CSMD1: variants seen among roughly 807,000 people sequenced by gnomAD.
CSMD1 encodes the protein CUB and sushi domain-containing protein 1.
Under a neutral mutation model 417.5 loss-of-function variants are expected in CSMD1, and 213 were observed. The observed-to-expected ratio is 0.51, with a 90% CI of 0.46 to 0.57. The LOEUF is 0.57. Ranked by LOEUF, CSMD1 falls within the 20% of genes least tolerant of loss-of-function variation. CSMD1 has a pLI of 0.00. For synonymous variants in CSMD1, 2,862 were observed against 1,736.8 expected (o/e 1.65, Z -16.11); for missense variants, 6,923 against 4,529.7 (o/e 1.53, Z -15.17).
intron 1 of CSMD1, among the ~76,000 whole-genome samples, chr8:4,807,553 T>C (rs1023812485): frequency 6.6e-6 from 1 of 152,200 alleles, no homozygotes; most frequent in Non-Finnish European, 1.5e-5. Flanking sequence ...GTGTTCATTG[T>C]TCCGTGGGCC....
intron 3 of CSMD1, among the ~76,000 whole-genome samples, chr8:4,126,731 G>A (rs891849828): frequency 7.2e-5 from 11 of 152,146 alleles, no homozygotes; most frequent in African/African-American, 2.7e-4. Flanking sequence ...CTCTCCGTTT[G>A]AAAAGCCAAC....
chr8:4,291,356 T>C (rs1238584936), intron 3 of CSMD1, among the ~76,000 whole-genome samples: 1 of 152,132 alleles, frequency 6.6e-6, no homozygotes, highest in Non-Finnish European at 1.5e-5. Context: ...AAATTACATA[T>C]AAAAACAAAA....
At chr8:4,147,794 G>C (rs1160022191) in intron 3 of CSMD1, among the ~76,000 whole-genome samples, 1 of 152,062 alleles carries the variant, frequency 6.6e-6, no homozygotes, top group East Asian at 1.9e-4. Flanking sequence ...CTGACCCAAT[G>C]TGCCGACTCC....
In CSMD1 at chr8:4,141,700, A is replaced by T. The variant is rs568268321; in HGVS notation, c.416-109601T>A. On this transcript the variant is annotated intron_variant, in intron 3 of 69. Coordinates refer to ENST00000635120, the MANE Select transcript of CSMD1 (RefSeq NM_033225.6). ...AGAAATTGCTTAAATTTTGGAGAGCAGGCAATTCTGATCTAATAATCTTGC... is the reference window on the plus strand; with the variant it reads ...AGAAATTGCTTAAATTTTGGAGAGCTGGCAATTCTGATCTAATAATCTTGC... Among the ~76,000 whole-genome samples, 737 of 151,284 alleles carry T rather than the reference A, an allele frequency of 4.9e-3. 7 individuals carry two copies. The highest frequency in any genetic ancestry group is 7.8e-3 in the Non-Finnish European group (531 of 68,022).
chr8:4,804,878 T>C (rs1798503431), intron 1 of CSMD1, among the ~76,000 whole-genome samples: 1 of 152,148 alleles, frequency 6.6e-6, no homozygotes, highest in South Asian at 2.1e-4. Flanking sequence ...CTGTACCCAA[T>C]CCTTCTCTAC....
intron 5 of CSMD1, among the ~76,000 whole-genome samples, chr8:3,909,687 T>G (rs1808331542): frequency 2.6e-5 from 4 of 152,068 alleles, no homozygotes. Context: ...AACATCATCA[T>G]TCCTCCTTCG....
At chr8:4,332,234 C>G (rs1368059520) in intron 3 of CSMD1, among the ~76,000 whole-genome samples, 1 of 152,078 alleles carries the variant, frequency 6.6e-6, no homozygotes, top group Admixed American at 6.6e-5. Context: ...GAAGCTAACG[C>G]TAGCCATTGC....
chr8:4,920,959 AAAG>A (rs879681583), intron 1 of CSMD1, among the ~76,000 whole-genome samples: 23,841 of 45,452 alleles, frequency 0.52, 6,197 homozygotes, highest in Non-Finnish European at 0.61. Context: ...AGAAAGAAAG[AAAG>A]AAAGAAAGAA....
rs1806325235 is a variant in CSMD1, at chr8:4,919,951, T to C, written c.85+74381A>G. Among the ~76,000 whole-genome samples, 4 of 152,210 alleles carry C rather than the reference T, an allele frequency of 2.6e-5. No homozygotes were observed. In the South Asian group the frequency reaches 6.2e-4, roughly 24 times the overall value. ...CCTCAACAGACACCAGACCTGCCAATGCCTTGATCTTGGACTTCCCAGCCT... is the reference window on the plus strand; with the variant it reads ...CCTCAACAGACACCAGACCTGCCAACGCCTTGATCTTGGACTTCCCAGCCT... On this transcript the variant is annotated intron_variant, in intron 1 of 69. Transcript: ENST00000635120.
chr8:4,305,614 GT>G (rs1563423665), intron 3 of CSMD1, among the ~76,000 whole-genome samples: 2 of 152,134 alleles, frequency 1.3e-5, no homozygotes, highest in African/African-American at 4.8e-5. Flanking sequence ...CAGAATCCAC[GT>G]AAGACCGTTT....
rs531658990 is a variant in CSMD1 at position 4,019,652 on chromosome 8, G to A, written c.610+12253C>T. Reference sequence around the variant, plus strand: ...AATGCATGAGGTTAGAAAGGGAGCTGGAACTTAAAGTGGCAGTTGTCTGAG... The same window carrying A: ...AATGCATGAGGTTAGAAAGGGAGCTAGAACTTAAAGTGGCAGTTGTCTGAG... On this transcript the variant is annotated intron_variant, in intron 4 of 69. Transcript: ENST00000635120. Among the ~76,000 whole-genome samples the A allele has an allele frequency of 2.0e-5, 3 of 152,250 alleles. No homozygotes were observed. In the East Asian group the frequency reaches 5.8e-4, roughly 30 times the overall value.
chr8:4,020,203 T>A (rs911811879), intron 4 of CSMD1, among the ~76,000 whole-genome samples: 1 of 152,174 alleles, frequency 6.6e-6, no homozygotes, highest in Admixed American at 6.5e-5. Flanking sequence ...CACATAAAAA[T>A]CTTGAGGCCA....
intron 1 of CSMD1, among the ~76,000 whole-genome samples, chr8:4,926,763 T>C (rs929274977): frequency 8.5e-5 from 13 of 152,176 alleles, no homozygotes; most frequent in African/African-American, 1.9e-4. Context: ...AATTCACCAA[T>C]GCTTTCATGT....
rs147457947 is a variant in CSMD1, at chr8:3,961,588, G to C, written c.818+36315C>G. Among the ~76,000 whole-genome samples the C allele has an allele frequency of 5.1e-3, 774 of 152,274 alleles. 5 individuals carry two copies. Among genetic ancestry groups the C allele is most frequent in the African/African-American group, 0.018 (752 of 41,558 alleles). On this transcript the variant is annotated intron_variant, in intron 5 of 69. Transcript: ENST00000635120. ...CTAAAGGTATCTATAAAAACGCTTT[G>C]AGATCATAATTTACTCAGGCACCAT...
intron 7 of CSMD1, among the ~76,000 whole-genome samples, chr8:3,628,639 C>T (rs4875764): frequency 0.38 from 56,933 of 151,710 alleles, 10,792 homozygotes; most frequent in Middle Eastern, 0.48. Flanking sequence ...GCAGCTCCCG[C>T]AGAGGGGAGG....
intron 2 of CSMD1, among the ~76,000 whole-genome samples, chr8:4,472,128 T>C (rs1045935088): frequency 1.3e-5 from 2 of 152,222 alleles, no homozygotes; most frequent in African/African-American, 4.8e-5. Context: ...CTTTCTTCAA[T>C]ATCGATGTGT....
In CSMD1 at chr8:3,321,749, G is replaced by T. The variant is rs560523064; in HGVS notation, c.3632-13246C>A. On this transcript the variant is annotated intron_variant, in intron 23 of 69. Coordinates refer to ENST00000635120, the MANE Select transcript of CSMD1 (RefSeq NM_033225.6). ...AGTAAGCTTCTAGTGATTTCAAAGT[G>T]TTATAAAAACACAAAGTTAACTGTA... is the stretch of plus-strand genomic sequence containing the variant. 2.6e-5 allele frequency among the ~76,000 whole-genome samples: 4 copies of T among 152,242 alleles called. No homozygotes were observed. In the East Asian group the frequency reaches 7.7e-4, roughly 29 times the overall value.
chr8:4,910,153 C>T (rs183259537), intron 1 of CSMD1, among the ~76,000 whole-genome samples: 250 of 152,224 alleles, frequency 1.6e-3, no homozygotes, highest in African/African-American at 5.6e-3. Context: ...TGTTGCAGAA[C>T]ATATATTTCA....
At chr8:3,784,406 C>T (rs1018736422) in intron 5 of CSMD1, among the ~76,000 whole-genome samples, 1 of 152,130 alleles carries the variant, frequency 6.6e-6, no homozygotes, top group African/African-American at 2.4e-5. Flanking sequence ...GAAATAACTG[C>T]TGTTAGTATT....
Sources: allele counts gnomAD v4.1 joint callset (sites outside exome capture counted in the v4.1 genomes callset), GRCh38; gene constraint gnomAD v4.1.1; transcripts MANE v1.5; gene names NCBI Gene and HGNC (gene_info 2026-07-23, HGNC 2026-07-21).